SDK2: variants seen among roughly 807,000 people sequenced by gnomAD.
The protein encoded by SDK2 is protein sidekick-2.
A neutral mutation model predicts 253.9 loss-of-function variants in SDK2; 105 were observed. That is an observed-to-expected ratio of 0.41 (90% CI 0.35 to 0.49). SDK2 has a LOEUF of 0.49. SDK2 is among the 20% of genes least tolerant of loss of function. The pLI is 0.06. For missense variants in SDK2, 2,608 were observed against 3,003.0 expected (o/e 0.87, Z 3.07); for synonymous variants, 1,249 against 1,234.9 (o/e 1.01, Z -0.24).
chr17:73,353,587 C>CG (rs1599475944), intron 40 of SDK2, among the ~76,000 whole-genome samples: 1 of 151,882 alleles, frequency 6.6e-6, no homozygotes, highest in East Asian at 1.9e-4. Context: ...TTAGTAGAGA[C>CG]GGGGTTTCTC....
At chr17:73,480,411 G>A (rs1223085345) in intron 2 of SDK2, among the ~76,000 whole-genome samples, 1 of 152,210 alleles carries the variant, frequency 6.6e-6, no homozygotes, top group Non-Finnish European at 1.5e-5. Context: ...GTTGCTGAGT[G>A]CTGGCCAGTC....
Position 73,338,725 on chromosome 17 carries a change from A to C in SDK2, c.6381T>G (p.Phe2127Leu). ...NSTSTQQGSL[F>L]RPKASRTPTP... ...TTGGAGTCCGACTGGCCTTGGGCCG[A>C]AAGAGGCTGCCCTGCTGGGTGCTGG... The change falls in exon 45 of 45, where the codon TTT (phenylalanine) becomes TTG (leucine). Residue 2127 changes from phenylalanine (F) to leucine (L), a missense_variant. Phe to Leu is a conservative substitution (Grantham distance 22). This residue lies in a region of SDK2 where 1,103 missense variants were observed against 1,143.9 expected (regional missense o/e 0.96). Coordinates refer to ENST00000392650, the MANE Select transcript of SDK2 (RefSeq NM_001144952.2). This position sits in a 1 kb window ranked among gnomAD's most constrained non-coding sequence, Gnocchi z 5.0. 2 of 1,612,704 alleles carry C rather than the reference A, an allele frequency of 1.2e-6. No homozygotes were observed. The highest frequency in any genetic ancestry group is 1.7e-6 in the Non-Finnish European group (2 of 1,179,390).
At chr17:73,356,464 C>T (rs2062592968) in intron 40 of SDK2, among the ~76,000 whole-genome samples, 1 of 152,204 alleles carries the variant, frequency 6.6e-6, no homozygotes, top group Non-Finnish European at 1.5e-5. Context: ...TCTGCAGCGC[C>T]TGGCAGCTCC....
chr17:73,433,127 G>GTCTAGTC (rs74276842), intron 10 of SDK2, among the ~76,000 whole-genome samples: 38,735 of 151,708 alleles, frequency 0.26, 5,337 homozygotes, highest in Non-Finnish European at 0.3. Context: ...GCACGCTATA[G>GTCTAGTC]TCTAGTCTTC....
At chr17:73,404,570 T>G (rs2063055399) in intron 18 of SDK2, among the ~76,000 whole-genome samples, 1 of 152,178 alleles carries the variant, frequency 6.6e-6, no homozygotes, top group Non-Finnish European at 1.5e-5. Context: ...GTTAAGGAGC[T>G]TGCACATGGA....
rs1431755172 is a variant in SDK2, at chr17:73,642,544, C to T, written c.64+1481G>A. Reference sequence around the variant, plus strand: ...CCCAGACCAAGGAGACCCCATGCAGCTAGTCCTGGTTTGAGGGAGAGAGGC... The same window carrying T: ...CCCAGACCAAGGAGACCCCATGCAGTTAGTCCTGGTTTGAGGGAGAGAGGC... On this transcript the variant is annotated intron_variant, in intron 1 of 44. Transcript: ENST00000392650. This position sits in a 1 kb window ranked among gnomAD's most constrained non-coding sequence, Gnocchi z 4.7. Among the ~76,000 whole-genome samples, 3 of 152,148 alleles carry T rather than the reference C, an allele frequency of 2.0e-5. No individual in the cohort carries two copies. Among genetic ancestry groups the T allele is most frequent in the Non-Finnish European group, 4.4e-5 (3 of 68,022 alleles).
At chr17:73,432,255 G>C (rs1253804408) in intron 10 of SDK2, among the ~76,000 whole-genome samples, 1 of 152,084 alleles carries the variant, frequency 6.6e-6, no homozygotes, top group East Asian at 1.9e-4. Flanking sequence ...GAGGGTCCTG[G>C]CCAGAGAAAG....
chr17:73,566,848 C>A (rs781276569), intron 1 of SDK2, among the ~76,000 whole-genome samples: 74 of 147,210 alleles, frequency 5.0e-4, no homozygotes, highest in Non-Finnish European at 1.9e-4. Flanking sequence ...AACAAAAAAA[C>A]GACTTAAATT....
At chr17:73,454,990 G>T (rs911527919) in intron 4 of SDK2, among the ~76,000 whole-genome samples, 3 of 152,094 alleles carry the variant, frequency 2.0e-5, no homozygotes, top group African/African-American at 4.8e-5. Context: ...GGTGTGAGCC[G>T]CCGCGTCCGG....
At chr17:73,493,861 C>A (rs547152568) in intron 2 of SDK2, among the ~76,000 whole-genome samples, 32 of 152,124 alleles carry the variant, frequency 2.1e-4, no homozygotes, top group African/African-American at 7.5e-4. Context: ...CCTGCCCCAG[C>A]TTCAGAGAGC....
chr17:73,440,105 ACT>A (rs2063403105), intron 6 of SDK2, among the ~76,000 whole-genome samples: 2 of 138,736 alleles, frequency 1.4e-5, no homozygotes, highest in African/African-American at 5.2e-5. Context: ...CAAAGCCCAT[ACT>A]CTTTTTTTTT....
chr17:73,402,217 G>C (rs2063034725), intron 18 of SDK2, 76 bp from the exon 19 acceptor site: 1 of 1,465,606 alleles, frequency 6.8e-7, no homozygotes, highest in African/African-American at 1.4e-5. Context: ...CACAGGCTGG[G>C]CCAATCAACA....
At chr17:73,536,639 G>A (rs570925271) in intron 1 of SDK2, among the ~76,000 whole-genome samples, 2 of 152,344 alleles carry the variant, frequency 1.3e-5, no homozygotes, top group Non-Finnish European at 1.5e-5. Context: ...CTGCCCCCAC[G>A]CCAGTGCGGG....
At chr17:73,416,814 C>T (rs2063186262) in intron 16 of SDK2, among the ~76,000 whole-genome samples, 1 of 151,584 alleles carries the variant, frequency 6.6e-6, no homozygotes, top group Non-Finnish European at 1.5e-5. Context: ...TGGTCTCGAA[C>T]TCCTGACCTC....
At chr17:73,547,099 G>T (rs1002366023) in intron 1 of SDK2, among the ~76,000 whole-genome samples, 2 of 152,238 alleles carry the variant, frequency 1.3e-5, no homozygotes, top group Non-Finnish European at 2.9e-5. Context: ...TAGGGCATCT[G>T]GTCTGGCTTT....
intron 2 of SDK2, among the ~76,000 whole-genome samples, chr17:73,472,507 G>C (rs1344424858): frequency 1.3e-5 from 2 of 152,216 alleles, no homozygotes; most frequent in Admixed American, 1.3e-4. Context: ...TGACCCTAAG[G>C]CTGTGTCAGC....
intron 1 of SDK2, among the ~76,000 whole-genome samples, chr17:73,567,061 A>G (rs2045323232): frequency 6.6e-6 from 1 of 152,170 alleles, no homozygotes; most frequent in Non-Finnish European, 1.5e-5. Flanking sequence ...AAAGACCTGG[A>G]AGACATTTGG....
intron 37 of SDK2, among the ~76,000 whole-genome samples, chr17:73,365,652 T>C (rs370575475): frequency 6.6e-6 from 1 of 151,984 alleles, no homozygotes; most frequent in Admixed American, 6.6e-5. Flanking sequence ...GTTGCAGAAT[T>C]CAGGCTTCTC....
chr17:73,461,890 T>C (rs1323411112), intron 3 of SDK2, among the ~76,000 whole-genome samples: 1 of 151,990 alleles, frequency 6.6e-6, no homozygotes, highest in Non-Finnish European at 1.5e-5. Flanking sequence ...TGTATGTAGC[T>C]ATGTTTGTAT....
Sources: allele counts gnomAD v4.1 joint callset (sites outside exome capture counted in the v4.1 genomes callset), GRCh38; gene constraint gnomAD v4.1.1; regional missense constraint gnomAD v4.1.1; non-coding constraint Gnocchi (gnomAD v3.1); transcripts MANE v1.5; gene names NCBI Gene and HGNC (gene_info 2026-07-23, HGNC 2026-07-21).